ODR4: variants seen among roughly 807,000 people sequenced by gnomAD.
The protein encoded by ODR4 is protein odr-4 homolog.
In ODR4, 47 loss-of-function variants were observed where a neutral mutation model predicts 60.2. The observed-to-expected ratio is 0.78, with a 90% CI of 0.62 to 1.00. The LOEUF (loss-of-function observed/expected upper bound fraction) is 1.00. Among genes scored for constraint, ODR4 ranks in the 50% least tolerant of loss-of-function variants. The probability of loss-of-function intolerance (pLI) is 0.00; values close to 1 mark genes in which losing one functional copy is unlikely to be tolerated. For synonymous variants in ODR4, 178 were observed against 175.5 expected (o/e 1.01, Z -0.11); for missense variants, 488 against 530.8 (o/e 0.92, Z 0.79).
At chr1:186,386,182 T>C in intron 4 of ODR4, 99 bp downstream of exon 4, 1 of 624,240 alleles carries the variant, frequency 1.6e-6, no homozygotes, top group Non-Finnish European at 2.5e-6. Context: ...TTACATTTGT[T>C]TTCCATAATT....
chr1:186,397,443 T>C (rs995111141), intron 9 of ODR4, among the ~76,000 whole-genome samples: 1 of 152,196 alleles, frequency 6.6e-6, no homozygotes, highest in African/African-American at 2.4e-5. Context: ...TCCACTGTTA[T>C]TATAGGCCTC....
At chr1:186,382,837 G>A (rs1660091978) in intron 2 of ODR4, among the ~76,000 whole-genome samples, 185 bp from the exon 3 acceptor site, 1 of 152,218 alleles carries the variant, frequency 6.6e-6, no homozygotes, top group Admixed American at 6.5e-5. Context: ...GGGAAAGATT[G>A]TAAGGCCATC....
intron 3 of ODR4, among the ~76,000 whole-genome samples, chr1:186,385,656 C>A (rs1237251056): frequency 6.6e-6 from 1 of 151,890 alleles, no homozygotes; most frequent in Non-Finnish European, 1.5e-5. Context: ...TAGTTTTTGA[C>A]AAATATTTGA....
At chr1:186,408,442 C>G (rs1239513815) in intron 12 of ODR4, among the ~76,000 whole-genome samples, 1 of 151,140 alleles carries the variant, frequency 6.6e-6, no homozygotes, top group African/African-American at 2.4e-5. Flanking sequence ...TAGATTATGT[C>G]AATATAATTT....
intron 12 of ODR4, among the ~76,000 whole-genome samples, chr1:186,406,814 T>TC (rs1661192767): frequency 6.6e-6 from 1 of 152,292 alleles, no homozygotes; most frequent in Admixed American, 6.5e-5. Flanking sequence ...CATTTTTTTT[T>TC]CCCTAGCCAT....
At chr1:186,428,499 C>G in the ODR4 span, among the ~76,000 whole-genome samples, 1 of 152,186 alleles carries the variant, frequency 6.6e-6, no homozygotes, top group Non-Finnish European at 1.5e-5. Flanking sequence ...ACCACTCAGA[C>G]TTTCTCCATA....
chr1:186,414,781 A>G lies in ODR4; in HGVS notation c.1187-2763A>G, dbSNP rs140078020. ...GTGACCTGCCCGCCTCGGCCTCCCA[A>G]AGTGCTGGGATTACAAGCGTGAGCC... On this transcript the variant is annotated intron_variant, in intron 12 of 13. Transcript: ENST00000287859. Among the ~76,000 whole-genome samples, 1,331 of 152,162 alleles carry G rather than the reference A, an allele frequency of 8.7e-3. 12 individuals carry two copies. Among genetic ancestry groups the G allele is most frequent in the Middle Eastern group, 0.034 (10 of 294 alleles).
At chr1:186,421,879 A>AAAAAAAAG (rs59883604), downstream of ODR4, among the ~76,000 whole-genome samples, 14 of 135,134 alleles carry the variant, frequency 1.0e-4, 1 homozygote, top group South Asian at 2.2e-4. Context: ...AAAAAAAAAA[A>AAAAAAAAG]ATGATGAATC....
At chr1:186,382,985 A>T in intron 2 of ODR4, 37 bp from the exon 3 acceptor site, 2 of 1,555,466 alleles carry the variant, frequency 1.3e-6, no homozygotes, top group East Asian at 2.3e-5. Context: ...GAGGAATCAG[A>T]TATCACTCTA....
At chr1:186,415,787 A>G (rs187675471) in intron 12 of ODR4, among the ~76,000 whole-genome samples, 94 of 152,356 alleles carry the variant, frequency 6.2e-4, no homozygotes, top group South Asian at 2.9e-3. Context: ...ATAAATTCGG[A>G]TAGGCCAACC....
At chr1:186,382,658 T>G (rs747575382) in intron 2 of ODR4, among the ~76,000 whole-genome samples, 7 of 152,228 alleles carry the variant, frequency 4.6e-5, no homozygotes, top group Non-Finnish European at 7.3e-5. Context: ...TTATAACTTA[T>G]AAAACAAATA....
chr1:186,414,554 C>G (rs1194677498), intron 12 of ODR4, among the ~76,000 whole-genome samples: 1 of 147,584 alleles, frequency 6.8e-6, no homozygotes, highest in African/African-American at 2.5e-5. Flanking sequence ...CAGTCTTGCT[C>G]TGTTGCCCAG....
chr1:186,430,605 T>C, the ODR4 span, among the ~76,000 whole-genome samples: 1 of 152,148 alleles, frequency 6.6e-6, no homozygotes, highest in South Asian at 2.1e-4. Flanking sequence ...ACCAACATAA[T>C]TTTAATATTT....
chr1:186,419,104 T>C lies in ODR4; in HGVS notation c.*28T>C. 1 of 1,561,182 alleles carries C rather than the reference T, an allele frequency of 6.4e-7. No homozygotes were observed. Among genetic ancestry groups the C allele is most frequent in the Non-Finnish European group, 8.8e-7 (1 of 1,136,492 alleles). Reference sequence around the variant, plus strand: ...TGAGGCACAAAGAGTTTCTTGATCATCCAGAGAACATTGACAGACAATTAT... The same window carrying C: ...TGAGGCACAAAGAGTTTCTTGATCACCCAGAGAACATTGACAGACAATTAT... On this transcript the variant is annotated 3_prime_UTR_variant, in exon 14 of 14. Transcript: ENST00000287859.
chr1:186,424,441 T>G (rs960097459), downstream of ODR4, among the ~76,000 whole-genome samples: 2 of 152,196 alleles, frequency 1.3e-5, no homozygotes, highest in African/African-American at 4.8e-5. Context: ...AGTGATACTT[T>G]CGTTCTTGAG....
Position 186,377,758 on chromosome 1 carries a change from T to C in ODR4, c.-20+1784T>C, listed in dbSNP as rs115222356. On this transcript the variant is annotated intron_variant, in intron 1 of 13. Transcript: ENST00000287859. ...ACGTCTATTGTTGTCAAAAAAGAGCTAGGAAGGCCAGGCATGGTGACTCAC... is the reference window on the plus strand; with the variant it reads ...ACGTCTATTGTTGTCAAAAAAGAGCCAGGAAGGCCAGGCATGGTGACTCAC... 8.3e-4 allele frequency among the ~76,000 whole-genome samples: 126 copies of C among 152,136 alleles called. 1 individual carries two copies. Among genetic ancestry groups the C allele is most frequent in the African/African-American group, 2.9e-3 (122 of 41,504 alleles).
Position 186,398,461 on chromosome 1 carries a change from G to A in ODR4, c.909+20G>A. The A allele has an allele frequency of 1.3e-6, 2 of 1,584,590 alleles. No homozygotes were observed. The highest frequency in any genetic ancestry group is 2.3e-5 in the South Asian group (2 of 85,762). ...GTGCAGGTACAAAAAGGAATAACGA[G>A]CATATGGAACCATGTTAACTATTAA... On this transcript the variant is annotated intron_variant, in intron 10 of 13. Transcript: ENST00000287859.
At chr1:186,378,140 A>G (rs2102008019) in intron 1 of ODR4, among the ~76,000 whole-genome samples, 1 of 152,286 alleles carries the variant, frequency 6.6e-6, no homozygotes, top group South Asian at 2.1e-4. Context: ...AGCCTCCAGT[A>G]GGACATTTCA....
chr1:186,392,264 C>T (rs1185235330), intron 8 of ODR4, among the ~76,000 whole-genome samples: 1 of 152,160 alleles, frequency 6.6e-6, no homozygotes, highest in Non-Finnish European at 1.5e-5. Context: ...TACCATTTGA[C>T]CCAGCAATCC....
Sources: gnomAD v4.1 joint callset for allele counts (sites outside exome capture counted in the v4.1 genomes callset) on GRCh38, gnomAD v4.1.1 for gene constraint, MANE v1.5 for transcripts, NCBI Gene and HGNC (gene_info 2026-07-23, HGNC 2026-07-21) for gene names.